Variants in WDFY2 observed in about 807,000 individuals in gnomAD.
WDFY2 encodes the protein WD repeat and FYVE domain containing 2.
A neutral mutation model predicts 56.4 loss-of-function variants in WDFY2; 36 were observed. That is an observed-to-expected ratio of 0.64 (90% CI 0.49 to 0.84). The LOEUF is 0.84. Among genes scored for constraint, WDFY2 ranks in the 40% least tolerant of loss-of-function variants. The pLI is 0.00. For synonymous variants in WDFY2, 176 were observed against 183.7 expected (o/e 0.96, Z 0.34); for missense variants, 444 against 512.2 (o/e 0.87, Z 1.29).
At chr13:51,711,141 C>T (rs987726353) in intron 4 of WDFY2, among the ~76,000 whole-genome samples, 2 of 152,022 alleles carry the variant, frequency 1.3e-5, no homozygotes, top group East Asian at 1.9e-4. Flanking sequence ...ACCACACATC[C>T]ACAACCATCT....
intron 2 of WDFY2, among the ~76,000 whole-genome samples, chr13:51,664,327 A>G (rs1329213407): frequency 6.6e-6 from 1 of 152,232 alleles, no homozygotes; most frequent in East Asian, 1.9e-4. Flanking sequence ...TCCCTGGGCC[A>G]ATCTGATTTT....
chr13:51,717,228 AT>A (rs1312730708), intron 4 of WDFY2, among the ~76,000 whole-genome samples: 5 of 151,978 alleles, frequency 3.3e-5, no homozygotes, highest in Non-Finnish European at 7.4e-5. Flanking sequence ...TATCTTTGAA[AT>A]TTTTTTTCAA....
Position 51,584,872 on chromosome 13 carries a change from C to G in WDFY2, c.137+48C>G, listed in dbSNP as rs746203464. 5 of 1,604,980 alleles carry G rather than the reference C, an allele frequency of 3.1e-6. No individual in the cohort carries two copies. The South Asian group carries it at 5.5e-5, about 18-fold the overall frequency. ...CGCGAGGAGGGGCGGGACGGGCCGA[C>G]GGCCCTCGAGCCCGCGTCAGGGGCT... On this transcript the variant is annotated intron_variant, in intron 1 of 11. Transcript: ENST00000298125.
At chr13:51,717,377 G>A (rs1378258636) in intron 4 of WDFY2, among the ~76,000 whole-genome samples, 2 of 152,068 alleles carry the variant, frequency 1.3e-5, no homozygotes, top group Non-Finnish European at 2.9e-5. Context: ...GGAGAATAGG[G>A]TTTTGATTCT....
At chr13:51,741,337 A>T (rs769093099) in intron 7 of WDFY2, among the ~76,000 whole-genome samples, 3 of 152,236 alleles carry the variant, frequency 2.0e-5, no homozygotes, top group Non-Finnish European at 4.4e-5. Flanking sequence ...AGTGAGCTCT[A>T]TGAGGGACTC....
intron 1 of WDFY2, among the ~76,000 whole-genome samples, chr13:51,612,560 A>G (rs1954523658): frequency 6.6e-6 from 1 of 152,246 alleles, no homozygotes; most frequent in South Asian, 2.1e-4. Flanking sequence ...GCTTGTAGAT[A>G]CATATGCCAA....
chr13:51,628,790 A>G (rs927764857), intron 1 of WDFY2, among the ~76,000 whole-genome samples: 3 of 152,222 alleles, frequency 2.0e-5, no homozygotes, highest in Non-Finnish European at 2.9e-5. Context: ...GTGGAATTGC[A>G]GTGTCTAAAA....
At chr13:51,642,020 T>C (rs923339860) in intron 1 of WDFY2, among the ~76,000 whole-genome samples, 9 of 152,076 alleles carry the variant, frequency 5.9e-5, no homozygotes, top group Admixed American at 2.6e-4. Context: ...TTTTTCAAAA[T>C]TTATCTAAGA....
intron 1 of WDFY2, among the ~76,000 whole-genome samples, chr13:51,645,308 A>G (rs1053298308): frequency 6.6e-6 from 1 of 152,072 alleles, no homozygotes; most frequent in Non-Finnish European, 1.5e-5. Context: ...TTCAAAACCC[A>G]GTGGGCTTCA....
intron 7 of WDFY2, among the ~76,000 whole-genome samples, chr13:51,742,113 A>T (rs1429083683): frequency 6.6e-6 from 1 of 152,172 alleles, no homozygotes; most frequent in Non-Finnish European, 1.5e-5. Context: ...CTTGGTATGG[A>T]AATGTCCAGC....
intron 6 of WDFY2, among the ~76,000 whole-genome samples, chr13:51,728,325 A>T (rs1762131919): frequency 6.6e-6 from 1 of 152,098 alleles, no homozygotes; most frequent in South Asian, 2.1e-4. Context: ...GGTCCCCTTT[A>T]TGTTTTTGCT....
intron 2 of WDFY2, among the ~76,000 whole-genome samples, chr13:51,670,503 A>G (rs1197075326): frequency 6.7e-6 from 1 of 148,844 alleles, no homozygotes; most frequent in African/African-American, 2.5e-5. Flanking sequence ...ACACACACAC[A>G]CACACACACA....
rs141080010 is a variant in WDFY2 at position 51,653,224 on chromosome 13, C to T, written c.138-7372C>T. On this transcript the variant is annotated intron_variant, in intron 1 of 11. Transcript: ENST00000298125. Reference sequence around the variant, plus strand: ...GCTACTGAGGCTTGTGCATTTGTCACGTAGTTCTCGTGCCGTGGTTTTCAG... The same window carrying T: ...GCTACTGAGGCTTGTGCATTTGTCATGTAGTTCTCGTGCCGTGGTTTTCAG... Among the ~76,000 whole-genome samples the T allele has an allele frequency of 6.2e-3, 944 of 152,258 alleles. 6 individuals carry two copies. Among genetic ancestry groups the T allele is most frequent in the African/African-American group, 0.017 (710 of 41,542 alleles).
chr13:51,748,997 T>C (rs1953166494), intron 7 of WDFY2, among the ~76,000 whole-genome samples: 1 of 152,226 alleles, frequency 6.6e-6, no homozygotes, highest in African/African-American at 2.4e-5. Flanking sequence ...AGCTACATGA[T>C]AAGTGATATT....
chr13:51,714,980 C>T (rs2138616983), intron 4 of WDFY2, among the ~76,000 whole-genome samples: 1 of 152,220 alleles, frequency 6.6e-6, no homozygotes, highest in African/African-American at 2.4e-5. Context: ...ATAAACATAT[C>T]TAAAAATAGA....
chr13:51,686,177 T>C (rs531493550), intron 3 of WDFY2, among the ~76,000 whole-genome samples: 16 of 152,280 alleles, frequency 1.1e-4, no homozygotes, highest in Middle Eastern at 3.4e-3. Context: ...AAGGTCTGTA[T>C]CTGTATCCCA....
intron 1 of WDFY2, among the ~76,000 whole-genome samples, chr13:51,606,847 A>T (rs758516979): frequency 2.6e-5 from 4 of 152,084 alleles, no homozygotes; most frequent in Non-Finnish European, 4.4e-5. Context: ...CAAAATAATA[A>T]TTTTTCACCA....
chr13:51,722,641 G>A (rs1952515986), intron 5 of WDFY2, among the ~76,000 whole-genome samples: 1 of 152,232 alleles, frequency 6.6e-6, no homozygotes, highest in South Asian at 2.1e-4. Context: ...TTTTCACAGT[G>A]TAGAAACCAA....
At chr13:51,752,585 G>T (rs573577564) in intron 8 of WDFY2, among the ~76,000 whole-genome samples, 2 of 152,142 alleles carry the variant, frequency 1.3e-5, no homozygotes, top group Non-Finnish European at 2.9e-5. Context: ...TTTTCCTTTG[G>T]TGCACGTAGC....
Sources: allele counts gnomAD v4.1 joint callset (sites outside exome capture counted in the v4.1 genomes callset), GRCh38; gene constraint gnomAD v4.1.1; transcripts MANE v1.5; gene names NCBI Gene and HGNC (gene_info 2026-07-23, HGNC 2026-07-21).